Variants in TMEM233 observed in about 807,000 individuals in gnomAD.
TMEM233 encodes transmembrane protein 233.
A neutral mutation model predicts 11.2 loss-of-function variants in TMEM233; 6 were observed. That is an observed-to-expected ratio of 0.54 (90% confidence interval 0.29 to 1.06). The LOEUF (loss-of-function observed/expected upper bound fraction) is 1.06, where lower values mean the gene tolerates loss of function less well. TMEM233 is among the 50% of genes least tolerant of loss of function. The probability of loss-of-function intolerance (pLI) is 0.08; values close to 1 mark genes in which losing one functional copy is unlikely to be tolerated. For missense variants in TMEM233, 127 were observed against 144.7 expected (o/e 0.88, Z 0.63); for synonymous variants, 59 against 55.8 (o/e 1.06, Z -0.26).
chr12:119,630,232 G>C (rs1197451592), intron 2 of TMEM233, among the ~76,000 whole-genome samples: 1 of 152,212 alleles, frequency 6.6e-6, no homozygotes, highest in African/African-American at 2.4e-5. Context: ...CTCAGACTGA[G>C]TGATTTATAA....
chr12:119,633,409 C>T (rs1158388119), intron 2 of TMEM233, among the ~76,000 whole-genome samples: 1 of 151,764 alleles, frequency 6.6e-6, no homozygotes, highest in African/African-American at 2.4e-5. Flanking sequence ...AGCTAGACCC[C>T]ATCTCTAAAA....
chr12:119,612,000 T>TA (rs1954408514), intron 1 of TMEM233, among the ~76,000 whole-genome samples: 1 of 151,906 alleles, frequency 6.6e-6, no homozygotes, highest in Non-Finnish European at 1.5e-5. Context: ...AGATATTCTT[T>TA]TTTTTTTTTC....
intron 2 of TMEM233, among the ~76,000 whole-genome samples, chr12:119,636,217 G>A (rs755692815): frequency 6.6e-6 from 1 of 151,840 alleles, no homozygotes; most frequent in Non-Finnish European, 1.5e-5. Context: ...AACAAATATA[G>A]TCCCATCACC....
chr12:119,605,688 C>T (rs1009279316), intron 1 of TMEM233, among the ~76,000 whole-genome samples: 11 of 152,150 alleles, frequency 7.2e-5, no homozygotes, highest in African/African-American at 2.2e-4. Context: ...CTCAGCCTCC[C>T]GAAGTGCTGG....
chr12:119,624,033 T>TAAGC (rs1391112503), intron 1 of TMEM233, among the ~76,000 whole-genome samples: 12 of 152,124 alleles, frequency 7.9e-5, no homozygotes, highest in African/African-American at 2.9e-4. Context: ...GACCAGAAGT[T>TAAGC]TTCAATCCTG....
intron 1 of TMEM233, among the ~76,000 whole-genome samples, chr12:119,607,125 T>G (rs987240854): frequency 1.3e-5 from 2 of 152,252 alleles, no homozygotes; most frequent in Non-Finnish European, 2.9e-5. Flanking sequence ...TATTTCAAAC[T>G]GTCTACAATG....
chr12:119,608,089 T>C (rs1954321271), intron 1 of TMEM233, among the ~76,000 whole-genome samples: 1 of 152,122 alleles, frequency 6.6e-6, no homozygotes, highest in African/African-American at 2.4e-5. Flanking sequence ...GCTTGGAGAG[T>C]TAACACAAGT....
intron 1 of TMEM233, among the ~76,000 whole-genome samples, chr12:119,611,513 GGT>G (rs1270500921): frequency 6.7e-6 from 1 of 149,028 alleles, no homozygotes. Context: ...TCTTTAACTG[GGT>G]TGTTTGTCTT....
rs1953985256 is a variant in TMEM233, at chr12:119,594,327, G to A, written c.186+293G>A. ...GGGTGCGTTTCCTCTCCAACCCGGG[G>A]AAGTTCTTCCGTGGACTTTGCTGAC... On this transcript the variant is annotated intron_variant, in intron 1 of 2. Coordinates refer to ENST00000426426, the MANE Select transcript of TMEM233 (RefSeq NM_001136534.3). The surrounding 1 kb of genome is among the most constrained non-coding windows in gnomAD (Gnocchi z 5.6). 1 of 389,036 alleles carries A rather than the reference G, an allele frequency of 2.6e-6. No individual in the cohort carries two copies. The allele number at this position is 389,036 out of a possible 1,614,324, so 24.1% of individuals were successfully genotyped here.
At chr12:119,631,736 C>A in intron 2 of TMEM233, 1 of 826,640 alleles carries the variant, frequency 1.2e-6, no homozygotes, top group Non-Finnish European at 1.5e-6. Flanking sequence ...ACCACTTATT[C>A]ACTGTGAGAC....
At chr12:119,640,153 G>GCTGTTTTGTT (rs112044025) in intron 2 of TMEM233, among the ~76,000 whole-genome samples, 49 of 151,082 alleles carry the variant, frequency 3.2e-4, no homozygotes, top group African/African-American at 1.1e-3. Context: ...GTTTGTTGTT[G>GCTGTTTTGTT]TTGTTTTGTT....
At chr12:119,645,320 C>CTAAAAAA (rs764976226), downstream of TMEM233, among the ~76,000 whole-genome samples, 1 of 74,794 alleles carries the variant, frequency 1.3e-5, no homozygotes, top group African/African-American at 5.0e-5. Context: ...CACCAATTAC[C>CTAAAAAA]AAAAAAAAAA....
chr12:119,619,523 C>A (rs1187634943), intron 1 of TMEM233, among the ~76,000 whole-genome samples: 1 of 151,942 alleles, frequency 6.6e-6, no homozygotes, highest in Non-Finnish European at 1.5e-5. Flanking sequence ...CACCTGTAGT[C>A]CCAGATACTT....
intron 1 of TMEM233, among the ~76,000 whole-genome samples, chr12:119,623,833 C>G (rs1954695733): frequency 1.3e-5 from 2 of 152,244 alleles, no homozygotes; most frequent in African/African-American, 4.8e-5. Context: ...ACTATTGCCC[C>G]CGATTTACAG....
intron 1 of TMEM233, among the ~76,000 whole-genome samples, chr12:119,625,396 G>T (rs1290782238): frequency 6.9e-6 from 1 of 145,458 alleles, no homozygotes; most frequent in African/African-American, 2.6e-5. Context: ...TTGATACAAG[G>T]TCTCACTCTG....
Position 119,594,390 on chromosome 12 carries a change from A to C in TMEM233, c.186+356A>C. 1 of 223,520 alleles carries C rather than the reference A, an allele frequency of 4.5e-6. No homozygotes were observed. The highest frequency in any genetic ancestry group is 8.8e-6 in the Non-Finnish European group (1 of 113,438). The allele number at this position is 223,520 out of a possible 1,614,324, so 13.8% of individuals were successfully genotyped here. A position where few individuals can be genotyped will look rare whatever the true frequency, so the allele number is the denominator to read the frequency against. On this transcript the variant is annotated intron_variant, in intron 1 of 2. Transcript: ENST00000426426. This position sits in a 1 kb window ranked among gnomAD's most constrained non-coding sequence, Gnocchi z 5.6. ...CCTAGGCACTTGCCCGGGGCTTCTCAACCCTCTTTTCTAGAGCCCCAGTGC... is the reference window on the plus strand; with the variant it reads ...CCTAGGCACTTGCCCGGGGCTTCTCCACCCTCTTTTCTAGAGCCCCAGTGC...
chr12:119,634,595 A>C (rs2136788295), intron 2 of TMEM233, among the ~76,000 whole-genome samples: 1 of 152,326 alleles, frequency 6.6e-6, no homozygotes, highest in Middle Eastern at 3.4e-3. Context: ...CCTAAGCAAC[A>C]GAGTGAGACC....
chr12:119,654,250 C>T, the TMEM233 span, among the ~76,000 whole-genome samples: 5 of 152,066 alleles, frequency 3.3e-5, no homozygotes, highest in African/African-American at 1.2e-4. Context: ...TGAAAATATT[C>T]TTCAACAATG....
chr12:119,630,220 A>C (rs1448576470), intron 2 of TMEM233, among the ~76,000 whole-genome samples: 3 of 152,230 alleles, frequency 2.0e-5, no homozygotes, highest in Admixed American at 6.5e-5. Context: ...ATAAAGAAAT[A>C]CCTCAGACTG....
Sources: allele counts gnomAD v4.1 joint callset (sites outside exome capture counted in the v4.1 genomes callset), GRCh38; gene constraint gnomAD v4.1.1; non-coding constraint Gnocchi (gnomAD v3.1); transcripts MANE v1.5; gene names NCBI Gene and HGNC (gene_info 2026-07-23, HGNC 2026-07-21).